The following SV2C variants were observed in gnomAD, a reference collection of about 807,000 sequenced individuals.
SV2C encodes the protein synaptic vesicle glycoprotein 2C.
SV2C carries 49 observed loss-of-function variants against 79.7 expected under a neutral mutation model. The ratio of observed to expected loss-of-function variants is 0.61; its 90% CI spans 0.49 to 0.78. The LOEUF is 0.78. Ranked by LOEUF, SV2C falls within the 30% of genes least tolerant of loss-of-function variation. The pLI is 0.00. For missense variants in SV2C, 833 were observed against 912.9 expected, an observed-to-expected ratio of 0.91 and a Z score of 1.13; for synonymous variants, 334 against 333.2, an observed-to-expected ratio of 1.00 and a Z score of -0.03.
At chr5:76,114,433 C>G (rs1373305900) in intron 1 of SV2C, among the ~76,000 whole-genome samples, 2 of 152,174 alleles carry the variant, frequency 1.3e-5, no homozygotes, top group African/African-American at 4.8e-5. Flanking sequence ...AAAGGGAGAA[C>G]AGTGCAAGCT....
intron 9 of SV2C, among the ~76,000 whole-genome samples, chr5:76,298,481 G>T (rs986460313): frequency 1.3e-5 from 2 of 152,126 alleles, no homozygotes; most frequent in African/African-American, 4.8e-5. Flanking sequence ...ATAGCCCCAG[G>T]TAATCCCCAA....
At chr5:75,939,740 C>T in the SV2C span, among the ~76,000 whole-genome samples, 1 of 152,242 alleles carries the variant, frequency 6.6e-6, no homozygotes, top group South Asian at 2.1e-4. Context: ...GCAGTTGACT[C>T]CCAAATCTAC....
chr5:75,931,370 C>T, the SV2C span, among the ~76,000 whole-genome samples: 3,619 of 152,302 alleles, frequency 0.024, 122 homozygotes, highest in African/African-American at 0.082. Flanking sequence ...CCATGAGTCT[C>T]AGTCTTCCTG....
chr5:76,069,747 T>C, the SV2C span, among the ~76,000 whole-genome samples: 2 of 152,130 alleles, frequency 1.3e-5, no homozygotes, highest in African/African-American at 4.8e-5. Flanking sequence ...GGATTGTCTT[T>C]GCTTCTCCTC....
chr5:76,135,096 C>G (rs1749024217), intron 2 of SV2C, among the ~76,000 whole-genome samples: 1 of 152,200 alleles, frequency 6.6e-6, no homozygotes, highest in South Asian at 2.1e-4. Flanking sequence ...GAATGGATTT[C>G]AGAGCTACTC....
chr5:75,952,247 TTTCCTTCCTTCC>T, the SV2C span, among the ~76,000 whole-genome samples: 7,887 of 144,290 alleles, frequency 0.055, 285 homozygotes, highest in Middle Eastern at 0.14. Flanking sequence ...TCTCCTGCAT[TTTCCTTCCTTCC>T]TTCCTTCCTT....
the SV2C span, among the ~76,000 whole-genome samples, chr5:75,869,528 T>C: frequency 6.6e-6 from 1 of 152,110 alleles, no homozygotes; most frequent in Non-Finnish European, 1.5e-5. Flanking sequence ...TCTTTGACTC[T>C]AGTGCCTGGC....
At chr5:76,016,294 C>G in the SV2C span, among the ~76,000 whole-genome samples, 1 of 126,194 alleles carries the variant, frequency 7.9e-6, no homozygotes, top group African/African-American at 3.1e-5. Context: ...TTTCTATAGG[C>G]TGTGGTTGTA....
the SV2C span, among the ~76,000 whole-genome samples, chr5:75,868,468 G>A: frequency 5.3e-5 from 8 of 152,106 alleles, no homozygotes; most frequent in African/African-American, 7.2e-5. Context: ...GGAAAGGGTC[G>A]CTCTCGTAAA....
the SV2C span, among the ~76,000 whole-genome samples, chr5:75,919,929 C>T: frequency 6.6e-6 from 1 of 152,232 alleles, no homozygotes; most frequent in Non-Finnish European, 1.5e-5. Context: ...TGGTTAACTG[C>T]TGTCATACCT....
intron 4 of SV2C, among the ~76,000 whole-genome samples, chr5:76,275,935 T>C (rs2112480870): frequency 6.6e-6 from 1 of 152,312 alleles, no homozygotes; most frequent in African/African-American, 2.4e-5. Flanking sequence ...ATACAAGACA[T>C]ATTTTGAAGA....
chr5:76,215,794 G>T (rs971739786), intron 4 of SV2C, among the ~76,000 whole-genome samples: 2 of 152,098 alleles, frequency 1.3e-5, no homozygotes, highest in Non-Finnish European at 2.9e-5. Context: ...CTTTGCTCTG[G>T]AGAGAAGGAA....
At chr5:76,197,659 CAGAG>C (rs918258385) in intron 3 of SV2C, among the ~76,000 whole-genome samples, 1 of 136,786 alleles carries the variant, frequency 7.3e-6, no homozygotes, top group Non-Finnish European at 1.6e-5. Flanking sequence ...CAGCATTCTC[CAGAG>C]AGAGAGAACC....
At chr5:76,060,782 G>A in the SV2C span, among the ~76,000 whole-genome samples, 3 of 152,042 alleles carry the variant, frequency 2.0e-5, no homozygotes, top group Admixed American at 6.6e-5. Flanking sequence ...TAACTGTGTG[G>A]TGCAAGAGGC....
At chr5:76,248,258 T>C (rs2173966) in intron 4 of SV2C, among the ~76,000 whole-genome samples, 46,346 of 152,026 alleles carry the variant, frequency 0.3, 7,669 homozygotes, top group Non-Finnish European at 0.37. Context: ...ACTGCAGAAA[T>C]TCATTTTCTC....
chr5:75,872,052 T>C, the SV2C span, among the ~76,000 whole-genome samples: 2 of 147,022 alleles, frequency 1.4e-5, no homozygotes, highest in Non-Finnish European at 3.0e-5. Flanking sequence ...CTATCATATA[T>C]ATTTATATAT....
At chr5:76,290,139 G>A (rs1236590103) in intron 6 of SV2C, among the ~76,000 whole-genome samples, 1 of 152,102 alleles carries the variant, frequency 6.6e-6, no homozygotes, top group Non-Finnish European at 1.5e-5. Context: ...ATTCCTACAT[G>A]GATTATTTTG....
At chr5:76,072,338 G>A in the SV2C span, among the ~76,000 whole-genome samples, 1 of 152,222 alleles carries the variant, frequency 6.6e-6, no homozygotes, top group African/African-American at 2.4e-5. Flanking sequence ...GTGTTGGAGA[G>A]TTTGTGGGAT....
intron 2 of SV2C, among the ~76,000 whole-genome samples, chr5:76,193,669 G>A (rs1340221962): frequency 6.6e-6 from 1 of 152,216 alleles, no homozygotes; most frequent in East Asian, 1.9e-4. Context: ...GGACTTCCCA[G>A]TGGAGAGGCC....
Sources: gnomAD v4.1 joint callset for allele counts (sites outside exome capture counted in the v4.1 genomes callset) on GRCh38, gnomAD v4.1.1 for gene constraint, MANE v1.5 for transcripts, NCBI Gene and HGNC (gene_info 2026-07-23, HGNC 2026-07-21) for gene names.